The following ROBO1 variants were observed in gnomAD, a reference collection of about 807,000 sequenced individuals.
ROBO1 encodes the protein roundabout homolog 1.
A neutral mutation model predicts 195.9 loss-of-function variants in ROBO1; 149 were observed. That is an observed-to-expected ratio of 0.76 (90% CI 0.67 to 0.87). The LOEUF (loss-of-function observed/expected upper bound fraction) is 0.87, where lower values mean the gene tolerates loss of function less well. Among genes scored for constraint, ROBO1 ranks in the 40% least tolerant of loss-of-function variants. The pLI, the probability that ROBO1 is intolerant of heterozygous loss-of-function variation, is 0.00. For missense variants in ROBO1, 1,933 were observed against 2,068.3 expected, an observed-to-expected ratio of 0.93 and a Z score of 1.27; for synonymous variants, 816 against 733.2, an observed-to-expected ratio of 1.11 and a Z score of -1.82.
intron 3 of ROBO1, among the ~76,000 whole-genome samples, chr3:79,103,395 G>A (rs1385112201): frequency 6.6e-6 from 1 of 151,782 alleles, no homozygotes; most frequent in African/African-American, 2.4e-5. Context: ...TTAGGAGATA[G>A]GTTTCACATA....
intron 2 of ROBO1, among the ~76,000 whole-genome samples, chr3:79,523,472 C>A (rs6766867): frequency 1.0e-5 from 1 of 100,416 alleles, no homozygotes; most frequent in Non-Finnish European, 1.9e-5. Flanking sequence ...TTTTTTTTTT[C>A]TTTTTTTTTT....
At chr3:79,473,489 G>A (rs1938390925) in intron 2 of ROBO1, among the ~76,000 whole-genome samples, 1 of 151,956 alleles carries the variant, frequency 6.6e-6, no homozygotes, top group Non-Finnish European at 1.5e-5. Context: ...TTTTCGACAA[G>A]GCCTCACCAT....
chr3:79,146,999 G>A (rs1437550742), intron 2 of ROBO1, among the ~76,000 whole-genome samples: 2 of 151,872 alleles, frequency 1.3e-5, no homozygotes, highest in Non-Finnish European at 2.9e-5. Flanking sequence ...GTTTTAGAAA[G>A]ATATGCAAAT....
intron 3 of ROBO1, among the ~76,000 whole-genome samples, chr3:78,979,022 C>T (rs991984052): frequency 4.6e-5 from 7 of 152,114 alleles, no homozygotes; most frequent in African/African-American, 9.7e-5. Context: ...TAATTAAAAA[C>T]GGAAAACACA....
At chr3:79,056,471 A>G (rs953952804) in intron 3 of ROBO1, among the ~76,000 whole-genome samples, 57 of 152,156 alleles carry the variant, frequency 3.7e-4, no homozygotes, top group Admixed American at 3.5e-3. Context: ...CTCCTGTTCA[A>G]TATTTAGGAA....
chr3:78,872,798 G>C (rs1234035998), intron 4 of ROBO1, among the ~76,000 whole-genome samples: 1 of 152,096 alleles, frequency 6.6e-6, no homozygotes, highest in African/African-American at 2.4e-5. Flanking sequence ...TCAATAGCTT[G>C]AGTATAAGAG....
At chr3:79,652,961 C>T (rs1946055081) in intron 1 of ROBO1, among the ~76,000 whole-genome samples, 1 of 151,768 alleles carries the variant, frequency 6.6e-6, no homozygotes, top group Non-Finnish European at 1.5e-5. Flanking sequence ...ACATAGTAAC[C>T]TAATTGTGCT....
intron 2 of ROBO1, among the ~76,000 whole-genome samples, chr3:79,356,277 G>C (rs1177457293): frequency 6.6e-6 from 1 of 152,184 alleles, no homozygotes; most frequent in Non-Finnish European, 1.5e-5. Flanking sequence ...GGAGGTGGAG[G>C]TTGCAGTGGG....
chr3:79,408,535 C>G (rs1427660398), intron 2 of ROBO1, among the ~76,000 whole-genome samples: 1 of 151,978 alleles, frequency 6.6e-6, no homozygotes, highest in Non-Finnish European at 1.5e-5. Context: ...AAGTTAGATA[C>G]TAGTAACTGC....
intron 2 of ROBO1, among the ~76,000 whole-genome samples, chr3:79,259,308 T>C (rs1439308446): frequency 6.6e-6 from 1 of 152,076 alleles, no homozygotes; most frequent in Non-Finnish European, 1.5e-5. Context: ...TTAGTTTTTG[T>C]AATTTTTATT....
chr3:79,664,634 C>T (rs564954735), intron 1 of ROBO1, among the ~76,000 whole-genome samples: 2 of 152,176 alleles, frequency 1.3e-5, no homozygotes, highest in Middle Eastern at 3.4e-3. Flanking sequence ...TCTCAGAGCA[C>T]GTCCTGTGGG....
At chr3:78,812,682 G>T (rs1219435724) in intron 4 of ROBO1, among the ~76,000 whole-genome samples, 1 of 151,948 alleles carries the variant, frequency 6.6e-6, no homozygotes, top group Non-Finnish European at 1.5e-5. Flanking sequence ...GTAAGAGCAG[G>T]GATTTGAATC....
Position 79,473,582 on chromosome 3 carries a change from T to G in ROBO1, c.88+116242A>C, listed in dbSNP as rs191310626. Among the ~76,000 whole-genome samples, 4 of 152,258 alleles carry G rather than the reference T, an allele frequency of 2.6e-5. No homozygotes were observed. In the East Asian group the frequency reaches 7.7e-4, roughly 29 times the overall value. ...ATTTGAGATCCAAAATGAATCATTT[T>G]TAATACCTCCTACTGTATACAACAA... On this transcript the variant is annotated intron_variant, in intron 2 of 30. Transcript: ENST00000464233.
intron 2 of ROBO1, among the ~76,000 whole-genome samples, chr3:79,545,892 G>A (rs1942245745): frequency 6.6e-6 from 1 of 152,152 alleles, no homozygotes; most frequent in Non-Finnish European, 1.5e-5. Flanking sequence ...TCCTAGGATT[G>A]TATGCAGTTG....
chr3:79,392,195 A>G (rs1175749131), intron 2 of ROBO1, among the ~76,000 whole-genome samples: 3 of 152,224 alleles, frequency 2.0e-5, no homozygotes, highest in Non-Finnish European at 4.4e-5. Context: ...CATCTGGCAC[A>G]TACCTGCCAA....
At chr3:78,984,990 T>C (rs778042713) in intron 3 of ROBO1, among the ~76,000 whole-genome samples, 11 of 152,130 alleles carry the variant, frequency 7.2e-5, no homozygotes, top group Non-Finnish European at 1.5e-4. Context: ...TTTATGATGA[T>C]CAACTTCCAC....
At chr3:79,493,275 T>A (rs2107461151) in intron 2 of ROBO1, among the ~76,000 whole-genome samples, 1 of 152,148 alleles carries the variant, frequency 6.6e-6, no homozygotes, top group Admixed American at 6.5e-5. Context: ...ACATAATTTT[T>A]GATTTGCAAT....
chr3:79,725,515 C>G (rs1004721036), intron 1 of ROBO1, among the ~76,000 whole-genome samples: 1 of 151,886 alleles, frequency 6.6e-6, no homozygotes, highest in Admixed American at 6.6e-5. Context: ...CGTGAGCCAC[C>G]GCGCCCGGCC....
At chr3:79,594,830 G>C (rs1268018814) in intron 1 of ROBO1, among the ~76,000 whole-genome samples, 3 of 151,944 alleles carry the variant, frequency 2.0e-5, no homozygotes, top group African/African-American at 7.2e-5. Context: ...AATTCCTCCA[G>C]GGTAATGACG....
Sources: allele counts gnomAD v4.1 joint callset (sites outside exome capture counted in the v4.1 genomes callset), GRCh38; gene constraint gnomAD v4.1.1; transcripts MANE v1.5; gene names NCBI Gene and HGNC (gene_info 2026-07-23, HGNC 2026-07-21).